The following HS3ST4 variants were observed in gnomAD, a reference collection of about 807,000 sequenced individuals.
HS3ST4 encodes heparan sulfate-glucosamine 3-sulfotransferase 4.
HS3ST4 carries 17 observed loss-of-function variants against 29.2 expected under a neutral mutation model. The observed-to-expected ratio is 0.58, with a 90% CI of 0.40 to 0.87. The LOEUF (loss-of-function observed/expected upper bound fraction) is 0.87, where lower values mean the gene tolerates loss of function less well. HS3ST4 is among the 40% of genes least tolerant of loss of function. The pLI is 0.00. For synonymous variants in HS3ST4, 314 were observed against 285.7 expected (o/e 1.10, Z -1.00); for missense variants, 627 against 634.5 (o/e 0.99, Z 0.13).
intron 1 of HS3ST4, among the ~76,000 whole-genome samples, chr16:26,108,745 A>T (rs1899088957): frequency 6.6e-6 from 1 of 152,234 alleles, no homozygotes; most frequent in African/African-American, 2.4e-5. Context: ...TAAGTTTTAG[A>T]TTTTGTCATG....
At chr16:25,952,928 C>T (rs1378441214) in intron 1 of HS3ST4, among the ~76,000 whole-genome samples, 1 of 149,246 alleles carries the variant, frequency 6.7e-6, no homozygotes, top group East Asian at 2.0e-4. Context: ...GTGGCTGTCA[C>T]CTCTGGACCC....
At chr16:25,956,997 CAA>C (rs11382105) in intron 1 of HS3ST4, among the ~76,000 whole-genome samples, 10 of 77,784 alleles carry the variant, frequency 1.3e-4, no homozygotes, top group African/African-American at 2.2e-4. Flanking sequence ...GACTCCGTCT[CAA>C]AAAAAAAAAA....
chr16:26,036,092 G>A (rs1421877550), intron 1 of HS3ST4, among the ~76,000 whole-genome samples: 3 of 152,206 alleles, frequency 2.0e-5, no homozygotes, highest in African/African-American at 7.2e-5. Flanking sequence ...CTATACAGGT[G>A]GGCTGAGATA....
intron 1 of HS3ST4, among the ~76,000 whole-genome samples, chr16:26,003,618 C>T (rs182803351): frequency 1.3e-5 from 2 of 152,272 alleles, no homozygotes; most frequent in South Asian, 2.1e-4. Context: ...GCAAAAGTTC[C>T]AAGTGTGACT....
chr16:25,704,234 CT>C (rs1204068519), intron 1 of HS3ST4, among the ~76,000 whole-genome samples: 3 of 152,264 alleles, frequency 2.0e-5, no homozygotes, highest in South Asian at 4.1e-4. Context: ...TTCACATACT[CT>C]TTTTTTGCAA....
chr16:25,759,451 G>A (rs925862220), intron 1 of HS3ST4, among the ~76,000 whole-genome samples: 1 of 152,196 alleles, frequency 6.6e-6, no homozygotes, highest in African/African-American at 2.4e-5. Flanking sequence ...AACTTGAAAT[G>A]AAATGACCAC....
intron 1 of HS3ST4, among the ~76,000 whole-genome samples, chr16:25,750,314 C>T (rs1178606772): frequency 1.3e-5 from 2 of 152,152 alleles, no homozygotes; most frequent in Non-Finnish European, 2.9e-5. Context: ...AAGTTAGAAG[C>T]CGCATGATCT....
chr16:26,127,213 C>T (rs908195049), intron 1 of HS3ST4, among the ~76,000 whole-genome samples: 2 of 152,238 alleles, frequency 1.3e-5, no homozygotes, highest in African/African-American at 2.4e-5. Flanking sequence ...ATCGACCCTA[C>T]TCTTCTGTCA....
chr16:26,033,225 A>G (rs1193257319), intron 1 of HS3ST4, among the ~76,000 whole-genome samples: 3 of 152,094 alleles, frequency 2.0e-5, no homozygotes, highest in African/African-American at 2.4e-5. Flanking sequence ...AACAAAATGT[A>G]TATTAGCAGG....
chr16:25,732,864 A>C (rs1182169554), intron 1 of HS3ST4, among the ~76,000 whole-genome samples: 2 of 152,176 alleles, frequency 1.3e-5, no homozygotes. Context: ...CCTCCTTCTT[A>C]GTATTGCTGT....
At chr16:25,806,395 C>G (rs569823197) in intron 1 of HS3ST4, among the ~76,000 whole-genome samples, 2 of 152,136 alleles carry the variant, frequency 1.3e-5, no homozygotes, top group African/African-American at 4.8e-5. Context: ...TCCTCAAGTC[C>G]CCTACTCATG....
intron 1 of HS3ST4, among the ~76,000 whole-genome samples, chr16:26,097,583 C>T (rs9708500): frequency 0.51 from 76,995 of 151,998 alleles, 19,784 homozygotes; most frequent in Middle Eastern, 0.6. Context: ...AAAATTAATT[C>T]AAGATGGATT....
At chr16:26,127,884 G>A (rs934127808) in intron 1 of HS3ST4, among the ~76,000 whole-genome samples, 3 of 152,138 alleles carry the variant, frequency 2.0e-5, no homozygotes, top group Admixed American at 6.5e-5. Context: ...ACCTCAGTTT[G>A]AAAATTTCTC....
intron 1 of HS3ST4, among the ~76,000 whole-genome samples, chr16:25,759,457 A>C (rs1429140686): frequency 6.6e-6 from 1 of 152,176 alleles, no homozygotes; most frequent in East Asian, 1.9e-4. Context: ...AAATGAAATG[A>C]CCACACATAC....
intron 1 of HS3ST4, among the ~76,000 whole-genome samples, chr16:26,116,649 A>G (rs1297584728): frequency 2.0e-5 from 3 of 152,236 alleles, no homozygotes; most frequent in African/African-American, 7.2e-5. Flanking sequence ...TATATATTCA[A>G]TGATATCAGG....
At chr16:25,789,248 A>G (rs1966862808) in intron 1 of HS3ST4, among the ~76,000 whole-genome samples, 1 of 150,592 alleles carries the variant, frequency 6.6e-6, no homozygotes, top group Non-Finnish European at 1.5e-5. Context: ...TCCTCCTCCA[A>G]CTGGTCTTCT....
chr16:25,890,024 T>G (rs1380467373), intron 1 of HS3ST4, among the ~76,000 whole-genome samples: 1 of 152,194 alleles, frequency 6.6e-6, no homozygotes, highest in Non-Finnish European at 1.5e-5. Context: ...CTTTCTTTTA[T>G]AAATTACCCA....
Position 25,872,880 on chromosome 16 carries a change from A to AGTTTT in HS3ST4, c.734+179754_734+179758dup, listed in dbSNP as rs146736666. Among the ~76,000 whole-genome samples the AGTTTT allele has an allele frequency of 2.1e-3, 323 of 151,656 alleles. 1 individual carries two copies. Among genetic ancestry groups the AGTTTT allele is most frequent in the Middle Eastern group, 6.8e-3 (2 of 294 alleles). ...CTCTGTGGGTCTAGCTATTTCAAGG[A>AGTTTT]GTTTTGTTTTGTTTTGTTTTGTTTT... On this transcript the variant is annotated intron_variant, in intron 1 of 1. Coordinates refer to ENST00000331351, the MANE Select transcript of HS3ST4 (RefSeq NM_006040.3).
intron 1 of HS3ST4, among the ~76,000 whole-genome samples, chr16:26,054,835 T>C (rs1401665999): frequency 6.6e-6 from 1 of 151,868 alleles, no homozygotes; most frequent in East Asian, 1.9e-4. Context: ...CTCTTTTATC[T>C]AGTGTGAGAT....
Sources: allele counts gnomAD v4.1 joint callset (sites outside exome capture counted in the v4.1 genomes callset), GRCh38; gene constraint gnomAD v4.1.1; transcripts MANE v1.5; gene names NCBI Gene and HGNC (gene_info 2026-07-23, HGNC 2026-07-21).